PRICKLE1: variants seen among roughly 807,000 people sequenced by gnomAD.
PRICKLE1 encodes prickle-like protein 1.
A neutral mutation model predicts 70.2 loss-of-function variants in PRICKLE1; 14 were observed. That is an observed-to-expected ratio of 0.20 (90% CI 0.13 to 0.31). PRICKLE1 has a LOEUF of 0.31. Among genes scored for constraint, PRICKLE1 ranks in the 10% least tolerant of loss-of-function variants. PRICKLE1 has a pLI of 1.00. For missense variants in PRICKLE1, 821 were observed against 1,026.2 expected (o/e 0.80, Z 2.73); for synonymous variants, 357 against 379.9 (o/e 0.94, Z 0.70).
At position 42,464,383 on chromosome 12, in the gene PRICKLE1, T is replaced by A; in HGVS notation, c.1639+12A>T. On this transcript the variant is annotated intron_variant, in intron 7 of 7. Transcript: ENST00000345127. This position sits in a 1 kb window ranked among gnomAD's most constrained non-coding sequence, Gnocchi z 4.2. ...CTTTTTTCAAATACCCCATAATCCC[T>A]AGATTACGTACCTGTGATATTGGAC... 6.2e-7 allele frequency: 1 copy of A among 1,614,142 alleles called. No homozygotes were observed. Among genetic ancestry groups the A allele is most frequent in the Non-Finnish European group, 8.5e-7 (1 of 1,180,018 alleles).
intron 1 of PRICKLE1, among the ~76,000 whole-genome samples, chr12:42,567,830 A>T (rs915068028): frequency 6.6e-6 from 1 of 150,402 alleles, no homozygotes; most frequent in African/African-American, 2.5e-5. Flanking sequence ...TATAAGCGTT[A>T]TCTTCTTTAG....
intron 1 of PRICKLE1, among the ~76,000 whole-genome samples, chr12:42,481,283 G>GT (rs1160968031): frequency 6.6e-6 from 1 of 152,138 alleles, no homozygotes; most frequent in Non-Finnish European, 1.5e-5. Flanking sequence ...ATAGAAAACA[G>GT]TAATTGTCAG....
chr12:42,544,131 T>C (rs1487817087), intron 1 of PRICKLE1, among the ~76,000 whole-genome samples: 1 of 152,168 alleles, frequency 6.6e-6, no homozygotes, highest in East Asian at 1.9e-4. Context: ...CACATATAAA[T>C]GGACCTGCAC....
In PRICKLE1 at chr12:42,546,372, A is replaced by C. The variant is rs189556023; in HGVS notation, c.-49+43093T>G. On this transcript the variant is annotated intron_variant, in intron 1 of 7. Coordinates refer to ENST00000345127, the MANE Select transcript of PRICKLE1 (RefSeq NM_153026.3). ...ACAAAAATTAAGTGAAAACAGATTC[A>C]CACAATGGAAGGAACTTTTCACCTG... Among the ~76,000 whole-genome samples the C allele has an allele frequency of 1.4e-4, 21 of 152,368 alleles. 1 individual carries two copies. The highest frequency in any genetic ancestry group is 5.2e-4 in the Admixed American group (8 of 15,310).
intron 1 of PRICKLE1, among the ~76,000 whole-genome samples, chr12:42,529,178 T>C (rs1939864322): frequency 6.6e-6 from 1 of 152,242 alleles, no homozygotes; most frequent in Non-Finnish European, 1.5e-5. Flanking sequence ...CAAAACTAGA[T>C]ATTTTATTTT....
intron 1 of PRICKLE1, among the ~76,000 whole-genome samples, chr12:42,560,103 AATTATTATTATTATTATT>A (rs35742688): frequency 0.27 from 38,028 of 139,846 alleles, 7,286 homozygotes; most frequent in African/African-American, 0.55. Context: ...AATCTCCTTT[AATTATTATTATTATTATT>A]ATTATTATTA....
intron 1 of PRICKLE1, among the ~76,000 whole-genome samples, chr12:42,493,002 C>A (rs955448948): frequency 6.6e-6 from 1 of 152,180 alleles, no homozygotes; most frequent in South Asian, 2.1e-4. Flanking sequence ...CAGAATCTTG[C>A]GCATACTAAG....
intron 1 of PRICKLE1, among the ~76,000 whole-genome samples, chr12:42,586,849 C>T (rs1007680346): frequency 1.3e-5 from 2 of 152,086 alleles, no homozygotes. Context: ...TTTTTAAAAG[C>T]CTTAATCAAA....
At chr12:42,510,169 A>C (rs1223869385) in intron 1 of PRICKLE1, among the ~76,000 whole-genome samples, 1 of 151,696 alleles carries the variant, frequency 6.6e-6, no homozygotes, top group East Asian at 2.0e-4. Flanking sequence ...ATCTCTGCTC[A>C]CTGCAAGCTC....
intron 1 of PRICKLE1, among the ~76,000 whole-genome samples, chr12:42,570,862 T>C (rs901036009): frequency 6.8e-4 from 103 of 152,290 alleles, no homozygotes; most frequent in Admixed American, 5.4e-3. Flanking sequence ...AGTAAGTTCT[T>C]GAAAATTATT....
chr12:42,547,082 A>G (rs190886976), intron 1 of PRICKLE1, among the ~76,000 whole-genome samples: 38 of 152,358 alleles, frequency 2.5e-4, no homozygotes, highest in Non-Finnish European at 5.1e-4. Context: ...GGAACAATCA[A>G]CAGGAGGTGT....
intron 1 of PRICKLE1, among the ~76,000 whole-genome samples, chr12:42,551,074 G>A (rs1940306780): frequency 1.3e-5 from 2 of 152,150 alleles, no homozygotes; most frequent in African/African-American, 4.8e-5. Flanking sequence ...GCTAGACTAT[G>A]TATTTTTTTA....
intron 1 of PRICKLE1, among the ~76,000 whole-genome samples, chr12:42,493,185 CAAT>C (rs903786391): frequency 2.4e-4 from 37 of 152,026 alleles, no homozygotes; most frequent in African/African-American, 8.9e-4. Flanking sequence ...TAACTATAGT[CAAT>C]AATAATTGTA....
At chr12:42,479,586 A>C (rs1427059563) in intron 1 of PRICKLE1, among the ~76,000 whole-genome samples, 1 of 152,172 alleles carries the variant, frequency 6.6e-6, no homozygotes, top group Non-Finnish European at 1.5e-5. Flanking sequence ...CTTATATTTA[A>C]AGTTGTTATT....
intron 1 of PRICKLE1, among the ~76,000 whole-genome samples, chr12:42,488,723 A>G (rs777835911): frequency 2.6e-4 from 40 of 152,216 alleles, no homozygotes; most frequent in Non-Finnish European, 4.4e-4. Context: ...TATACAGTAT[A>G]ATCATATTGT....
At chr12:42,577,303 T>A (rs1235433775) in intron 1 of PRICKLE1, among the ~76,000 whole-genome samples, 4 of 152,338 alleles carry the variant, frequency 2.6e-5, no homozygotes, top group African/African-American at 9.6e-5. Flanking sequence ...ACTGCATTTT[T>A]TTTTTTTAGC....
intron 1 of PRICKLE1, among the ~76,000 whole-genome samples, chr12:42,580,369 A>C (rs1026006748): frequency 2.6e-5 from 4 of 152,208 alleles, no homozygotes; most frequent in Non-Finnish European, 5.9e-5. Flanking sequence ...GTCAACCTCC[A>C]GATATGTTTC....
intron 1 of PRICKLE1, among the ~76,000 whole-genome samples, chr12:42,506,743 T>C (rs1199626351): frequency 6.6e-6 from 1 of 151,766 alleles, no homozygotes; most frequent in Non-Finnish European, 1.5e-5. Flanking sequence ...CGGCTAATTT[T>C]TGTATTTTTA....
intron 1 of PRICKLE1, among the ~76,000 whole-genome samples, chr12:42,563,813 A>C (rs1466653443): frequency 6.6e-6 from 1 of 151,820 alleles, no homozygotes; most frequent in Non-Finnish European, 1.5e-5. Context: ...AGACAGGGAG[A>C]GTATACGATT....
Sources: gnomAD v4.1 joint callset for allele counts (sites outside exome capture counted in the v4.1 genomes callset) on GRCh38, gnomAD v4.1.1 for gene constraint, Gnocchi (gnomAD v3.1) non-coding constraint, MANE v1.5 for transcripts, NCBI Gene and HGNC (gene_info 2026-07-23, HGNC 2026-07-21) for gene names.